NOTCH2: variants seen among roughly 807,000 people sequenced by gnomAD.
NOTCH2 encodes the protein notch receptor 2.
NOTCH2 carries 29 observed loss-of-function variants against 235.8 expected under a neutral mutation model. The ratio of observed to expected loss-of-function variants is 0.12; its 90% CI spans 0.09 to 0.17. The LOEUF is 0.17. Ranked by LOEUF, NOTCH2 falls within the 10% of genes least tolerant of loss-of-function variation. The probability of loss-of-function intolerance (pLI) is 1.00; values close to 1 mark genes in which losing one functional copy is unlikely to be tolerated. For synonymous variants in NOTCH2, 1,086 were observed against 1,141.5 expected, an observed-to-expected ratio of 0.95 and a Z score of 0.98; for missense variants, 2,285 against 3,150.2, an observed-to-expected ratio of 0.73 and a Z score of 6.57.
At chr1:119,918,643 G>A in intron 31 of NOTCH2, 90 bp from the exon 32 acceptor site, 2 of 1,330,158 alleles carry the variant, frequency 1.5e-6, no homozygotes, top group South Asian at 1.2e-5. Context: ...CAGAGCTGAG[G>A]CTACAGTGTA....
rs1649376579 is a variant in NOTCH2, at chr1:119,923,999, G to C, written c.4512-15C>G. 1.3e-6 allele frequency: 2 copies of C among 1,598,238 alleles called. No individual in the cohort carries two copies. Among genetic ancestry groups the C allele is most frequent in the Non-Finnish European group, 1.7e-6 (2 of 1,165,974 alleles). ...ATTTGTCATACCTAGGTAAGGGGAA[G>C]CAGAGAACAGGCAAAAGAGCTCAGA... On this transcript the variant is annotated splice_polypyrimidine_tract_variant and intron_variant, in intron 25 of 33. Transcript: ENST00000256646.
In NOTCH2 at chr1:119,914,602, T is replaced by C. The variant is rs587635497; in HGVS notation, c.*704A>G. ...TCCCCTTCTCTCTCCAGGAATGATA[T>C]ATGCAGGAGAACACAATACAGTATG... On this transcript the variant is annotated 3_prime_UTR_variant, in exon 34 of 34. Coordinates refer to ENST00000256646, the MANE Select transcript of NOTCH2 (RefSeq NM_024408.4). The C allele has an allele frequency of 4.3e-6, 1 of 234,472 alleles. No homozygotes were observed. The highest frequency in any genetic ancestry group is 6.0e-5 in the East Asian group (1 of 16,602). 14.5% of individuals were successfully genotyped at this position (234,472 alleles called of 1,614,324 possible). A position where few individuals can be genotyped will look rare whatever the true frequency, so the allele number is the denominator to read the frequency against.
chr1:120,066,670 CT>C (rs113635837), intron 1 of NOTCH2, among the ~76,000 whole-genome samples: 5,108 of 149,576 alleles, frequency 0.034, no homozygotes, highest in East Asian at 0.089. Context: ...CCAAAAGTTG[CT>C]CCTCTATGTC....
intron 10 of NOTCH2, among the ~76,000 whole-genome samples, chr1:119,964,323 G>A (rs1651058546): frequency 6.6e-6 from 1 of 152,166 alleles, no homozygotes; most frequent in African/African-American, 2.4e-5. Flanking sequence ...AACCTGTTAT[G>A]AGAATTTAAA....
intron 19 of NOTCH2, among the ~76,000 whole-genome samples, chr1:119,939,615 C>T (rs1395616821): frequency 6.6e-6 from 1 of 152,190 alleles, no homozygotes; most frequent in Non-Finnish European, 1.5e-5. Flanking sequence ...AGGACTGGCA[C>T]CTTTCATCTT....
rs2101124819 is a variant in NOTCH2 at position 119,955,226 on chromosome 1, C to A, written c.2033G>T (p.Arg678Ile). 1.2e-6 allele frequency: 2 copies of A among 1,614,088 alleles called. No individual in the cohort carries two copies. The highest frequency in any genetic ancestry group is 1.7e-6 in the Non-Finnish European group (2 of 1,179,966). ...CVCSPGFTGQRCNIDIDECAS... is the reference protein window; with the variant it reads ...CVCSPGFTGQICNIDIDECAS... ...ACACTCATCAATGTCAATGTTACAT[C>A]TCTGCCCTGTGGAGAAGGGGGACAG... Residue 678 changes from arginine (R) to isoleucine (I), a missense_variant, in exon 13 of 34, where the codon AGA (arginine) becomes ATA (isoleucine). Physicochemically the swap from Arg to Ile is moderately conservative, Grantham distance 97 (BLOSUM62 -3). This residue lies in a region of NOTCH2 where 1,173 missense variants were observed against 1,515.3 expected (regional missense o/e 0.77). Transcript: ENST00000256646.
rs147124038 is a variant in NOTCH2, at chr1:119,960,811, G to A, written c.1916-1309C>T. Among the ~76,000 whole-genome samples, 3 of 151,830 alleles carry A rather than the reference G, an allele frequency of 2.0e-5. No individual in the cohort carries two copies. The East Asian group carries it at 5.8e-4, about 29-fold the overall frequency. Reference sequence around the variant, plus strand: ...ACCTCAGCCTCCCGATTACAGGTGTGTACCACCTTACCTGGCTAATTTTTA... The same window carrying A: ...ACCTCAGCCTCCCGATTACAGGTGTATACCACCTTACCTGGCTAATTTTTA... On this transcript the variant is annotated intron_variant, in intron 11 of 33. Transcript: ENST00000256646.
At chr1:119,938,127 G>A in intron 19 of NOTCH2, 117 bp from the exon 20 acceptor site, 1 of 1,148,050 alleles carries the variant, frequency 8.7e-7, no homozygotes, top group Non-Finnish European at 1.3e-6. Context: ...AAGAAAAAGA[G>A]CCTTCATCTA....
At chr1:119,965,664 G>A in intron 9 of NOTCH2, 98 bp from the exon 10 acceptor site, 1 of 858,394 alleles carries the variant, frequency 1.2e-6, no homozygotes, top group Admixed American at 1.7e-5. Context: ...TTATACCAAT[G>A]GGTCAATAAG....
intron 2 of NOTCH2, among the ~76,000 whole-genome samples, chr1:120,008,835 C>G (rs1427655888): frequency 2.0e-5 from 3 of 152,142 alleles, no homozygotes; most frequent in Non-Finnish European, 4.4e-5. Context: ...AAAATTCTTA[C>G]ACTCTTGGAG....
rs2101145232 is a variant in NOTCH2 at position 119,968,083 on chromosome 1, C to T, written c.1258G>A (p.Ala420Thr). 2 of 1,614,076 alleles carry T rather than the reference C, an allele frequency of 1.2e-6. No individual in the cohort carries two copies. The highest frequency in any genetic ancestry group is 1.1e-5 in the South Asian group (1 of 91,086). ...AAAAGTTCTGCTTACTCACCCATGG[C>T]ACATTCATCCACATCTTCTGTGCAG... ...ADCTEDVDECAMANSNPCEHA... is the reference protein window; with the variant it reads ...ADCTEDVDECTMANSNPCEHA... Residue 420 changes from alanine to threonine, a missense_variant, in exon 7 of 34, where the codon GCC becomes ACC. Coordinates refer to ENST00000256646, the MANE Select transcript of NOTCH2 (RefSeq NM_024408.4).
chr1:119,963,958 T>C (rs1217736081), intron 10 of NOTCH2, 151 bp from the exon 11 acceptor site: 9 of 725,124 alleles, frequency 1.2e-5, no homozygotes, highest in South Asian at 3.0e-5. Flanking sequence ...ACGATCTGCA[T>C]TGATTTAGAA....
At chr1:119,955,255 T>C (rs782752551) in intron 12 of NOTCH2, 23 bp from the exon 13 acceptor site, 1 of 1,611,316 alleles carries the variant, frequency 6.2e-7, no homozygotes, top group Non-Finnish European at 8.5e-7. Flanking sequence ...GGGACAGTGT[T>C]AGTCACATCC....
At chr1:119,941,455 T>C in intron 18 of NOTCH2, 71 bp downstream of exon 18, 1 of 1,077,616 alleles carries the variant, frequency 9.3e-7, no homozygotes, top group Admixed American at 1.8e-5. Flanking sequence ...TCTAGCATTG[T>C]GCTCTGAAAT....
In NOTCH2 at chr1:119,957,309, T is replaced by G. The variant is rs7547175; in HGVS notation, c.2027-2077A>C. ...GTATAGTAGAACTTCCTTTCTGGAT[T>G]GTTATGAGAATTCAGGAAGATAATG... On this transcript the variant is annotated intron_variant, in intron 12 of 33. Transcript: ENST00000256646. Among the ~76,000 whole-genome samples, 334 of 152,320 alleles carry G rather than the reference T, an allele frequency of 2.2e-3. 1 individual carries two copies. Among genetic ancestry groups the G allele is most frequent in the African/African-American group, 7.8e-3 (326 of 41,580 alleles).
chr1:119,917,754 C>G lies in NOTCH2; in HGVS notation c.5938G>C (p.Ala1980Pro), dbSNP rs1649135807. The G allele has an allele frequency of 6.2e-7, 1 of 1,610,810 alleles. No homozygotes were observed. The highest frequency in any genetic ancestry group is 8.5e-7 in the Non-Finnish European group (1 of 1,177,072). Residue 1980 changes from alanine (A) to proline (P), a missense_variant, in exon 33 of 34, where the codon GCT becomes CCT. By Grantham distance (27) the Ala-to-Pro change is conservative. Around this residue, in one of 6 missense-constraint regions of NOTCH2, gnomAD observed 128 missense variants for 255.9 expected, o/e 0.50. Coordinates refer to ENST00000256646, the MANE Select transcript of NOTCH2 (RefSeq NM_024408.4). ...VNAVDDHGKSALHWAAAVNNV... is the reference protein window; with the variant it reads ...VNAVDDHGKSPLHWAAAVNNV... ...TTGACAGCAGCTGCCCAGTGAAGAG[C>G]AGATTTTCCTGCAGGGGAGAAACAT... is the stretch of plus-strand genomic sequence containing the variant.
intron 5 of NOTCH2, among the ~76,000 whole-genome samples, chr1:119,975,879 A>C (rs1230786760): frequency 1.3e-5 from 2 of 152,142 alleles, no homozygotes; most frequent in East Asian, 3.9e-4. Context: ...CAAACCACTA[A>C]TCTGATTTGG....
intron 5 of NOTCH2, among the ~76,000 whole-genome samples, chr1:119,986,688 T>C (rs1442777782): frequency 2.6e-5 from 4 of 152,212 alleles, no homozygotes; most frequent in African/African-American, 9.6e-5. Flanking sequence ...CTTACAGTAG[T>C]GCTCTTCTCT....
At chr1:119,966,637 G>A in intron 8 of NOTCH2, 148 bp from the exon 9 acceptor site, 1 of 695,988 alleles carries the variant, frequency 1.4e-6, no homozygotes, top group Non-Finnish European at 2.6e-6. Flanking sequence ...ATGAGAAATA[G>A]TCACTCCAAG....
Sources: gnomAD v4.1 joint callset for allele counts (sites outside exome capture counted in the v4.1 genomes callset) on GRCh38, gnomAD v4.1.1 for gene constraint, gnomAD v4.1.1 regional missense constraint, MANE v1.5 for transcripts, NCBI Gene and HGNC (gene_info 2026-07-23, HGNC 2026-07-21) for gene names.